Variants in MEF2A observed in about 807,000 individuals in gnomAD.
The protein encoded by MEF2A is myocyte enhancer factor 2A.
In MEF2A, 28 loss-of-function variants were observed where a neutral mutation model predicts 55.8. That is an observed-to-expected ratio of 0.50 (90% CI 0.37 to 0.69). The LOEUF (loss-of-function observed/expected upper bound fraction) is 0.69, where lower values mean the gene tolerates loss of function less well. Ranked by LOEUF, MEF2A falls within the 30% of genes least tolerant of loss-of-function variation. The pLI, the probability that MEF2A is intolerant of heterozygous loss-of-function variation, is 0.00. For synonymous variants in MEF2A, 239 were observed against 227.1 expected (o/e 1.05, Z -0.47); for missense variants, 528 against 626.2 (o/e 0.84, Z 1.67).
intron 2 of MEF2A, among the ~76,000 whole-genome samples, chr15:99,602,727 TGTGGGG>T (rs1400553306): frequency 6.5e-5 from 2 of 30,922 alleles, no homozygotes; most frequent in African/African-American, 8.3e-5. Flanking sequence ...TGTGTGTGTG[TGTGGGG>T]GGGTGGGGGT....
chr15:99,710,603 A>G, intron 10 of MEF2A, 31 bp from the exon 11 acceptor site: 3 of 1,594,366 alleles, frequency 1.9e-6, no homozygotes, highest in Admixed American at 3.3e-5. Flanking sequence ...ACCTTCCATC[A>G]TATGCAGAGC....
At chr15:99,682,460 A>G (rs1407619682) in intron 7 of MEF2A, among the ~76,000 whole-genome samples, 1 of 152,250 alleles carries the variant, frequency 6.6e-6, no homozygotes, top group Non-Finnish European at 1.5e-5. Flanking sequence ...GATGAGTTAT[A>G]TACTGAAAGT....
At chr15:99,616,153 C>A (rs77228427) in intron 2 of MEF2A, among the ~76,000 whole-genome samples, 32,012 of 151,746 alleles carry the variant, frequency 0.21, 4,110 homozygotes, top group South Asian at 0.31. Context: ...GAACAAACAG[C>A]TGAGAAAATT....
intron 2 of MEF2A, among the ~76,000 whole-genome samples, chr15:99,616,799 C>T (rs2040258715): frequency 6.6e-6 from 1 of 151,990 alleles, no homozygotes; most frequent in Non-Finnish European, 1.5e-5. Flanking sequence ...TTCTTTCGGT[C>T]GATGGGTACA....
chr15:99,660,739 G>A (rs1455526560), intron 4 of MEF2A, among the ~76,000 whole-genome samples: 1 of 152,184 alleles, frequency 6.6e-6, no homozygotes, highest in Non-Finnish European at 1.5e-5. Flanking sequence ...ATATGTAGAA[G>A]AGATAATATA....
At chr15:99,586,101 T>C (rs1282560113) in intron 1 of MEF2A, among the ~76,000 whole-genome samples, 3 of 152,220 alleles carry the variant, frequency 2.0e-5, no homozygotes, top group Admixed American at 6.5e-5. Context: ...TCATGGACTT[T>C]TGGTAGTATT....
chr15:99,689,381 C>T (rs2054919204), intron 7 of MEF2A, among the ~76,000 whole-genome samples: 1 of 152,224 alleles, frequency 6.6e-6, no homozygotes, highest in East Asian at 1.9e-4. Context: ...TGCCTTTGCT[C>T]TCACAAGAGT....
Position 99,633,033 on chromosome 15 carries a change from C to G in MEF2A, c.-87C>G, listed in dbSNP as rs1416677212. 9.4e-7 allele frequency: 1 copy of G among 1,060,160 alleles called. No homozygotes were observed. The highest frequency in any genetic ancestry group is 1.4e-6 in the Non-Finnish European group (1 of 718,474). 65.7% of individuals were successfully genotyped at this position (1,060,160 alleles called of 1,614,324 possible). ...GGACTAGAAGCTGAAATAACAGAAG[C>G]TGTGTACGATGCATTAGGGTATTGA... On this transcript the variant is annotated 5_prime_UTR_variant, in exon 3 of 12. Coordinates refer to ENST00000557942, the MANE Select transcript of MEF2A (RefSeq NM_001319206.4).
At chr15:99,626,426 C>T (rs542910659) in intron 2 of MEF2A, among the ~76,000 whole-genome samples, 18 of 151,930 alleles carry the variant, frequency 1.2e-4, no homozygotes, top group East Asian at 5.8e-4. Context: ...CTTTTGGCTT[C>T]GTTGATTTTT....
chr15:99,645,115 G>C (rs1383800461), intron 3 of MEF2A, among the ~76,000 whole-genome samples: 1 of 152,196 alleles, frequency 6.6e-6, no homozygotes, highest in African/African-American at 2.4e-5. Context: ...GTGAATTTCA[G>C]TGGGTACAAT....
At chr15:99,572,689 C>T (rs978636908) in intron 1 of MEF2A, among the ~76,000 whole-genome samples, 6 of 152,196 alleles carry the variant, frequency 3.9e-5, no homozygotes, top group Non-Finnish European at 8.8e-5. Context: ...TATTGAACTA[C>T]TTATCCTTTA....
chr15:99,645,952 C>A, intron 4 of MEF2A, 188 bp downstream of exon 4: 1 of 447,810 alleles, frequency 2.2e-6, no homozygotes, highest in Non-Finnish European at 4.0e-6. Context: ...ATACTCTATT[C>A]ATTCAGACAA....
At chr15:99,675,943 GGGA>G in intron 7 of MEF2A, among the ~76,000 whole-genome samples, 1 of 152,210 alleles carries the variant, frequency 6.6e-6, no homozygotes, top group Middle Eastern at 3.4e-3. Context: ...GGGAGGCCGA[GGGA>G]GGAGAATTGC....
At chr15:99,612,517 T>C (rs1596473864) in intron 2 of MEF2A, among the ~76,000 whole-genome samples, 1 of 152,274 alleles carries the variant, frequency 6.6e-6, no homozygotes, top group East Asian at 1.9e-4. Flanking sequence ...TTAAAAATCA[T>C]ATAGAATTGA....
At chr15:99,614,970 C>A (rs1328207900) in intron 2 of MEF2A, among the ~76,000 whole-genome samples, 1 of 152,056 alleles carries the variant, frequency 6.6e-6, no homozygotes, top group Non-Finnish European at 1.5e-5. Flanking sequence ...AAGGCTTGGG[C>A]TTTTAAGAAC....
chr15:99,688,918 TG>T (rs761351684), intron 7 of MEF2A, among the ~76,000 whole-genome samples: 2 of 152,118 alleles, frequency 1.3e-5, no homozygotes, highest in Non-Finnish European at 2.9e-5. Flanking sequence ...CTGAGTCAAA[TG>T]CCTATCACTA....
At chr15:99,678,538 G>T in intron 7 of MEF2A, 2 of 510,314 alleles carry the variant, frequency 3.9e-6, no homozygotes, top group Non-Finnish European at 5.1e-6. Context: ...TACCAATATT[G>T]TCATTTTCAA....
intron 2 of MEF2A, among the ~76,000 whole-genome samples, chr15:99,632,441 A>G (rs932198936): frequency 6.6e-6 from 1 of 152,176 alleles, no homozygotes; most frequent in Non-Finnish European, 1.5e-5. Flanking sequence ...AGATTAGTTC[A>G]TTGTTTGGTA....
chr15:99,629,205 C>A (rs551009026), intron 2 of MEF2A, among the ~76,000 whole-genome samples: 1 of 152,026 alleles, frequency 6.6e-6, no homozygotes, highest in Non-Finnish European at 1.5e-5. Context: ...GAGGCCGAGG[C>A]GGGTGGATCA....
Sources: allele counts gnomAD v4.1 joint callset (sites outside exome capture counted in the v4.1 genomes callset), GRCh38; gene constraint gnomAD v4.1.1; transcripts MANE v1.5; gene names NCBI Gene and HGNC (gene_info 2026-07-23, HGNC 2026-07-21).